The following TNFRSF13C variants were observed in gnomAD, a reference collection of about 807,000 sequenced individuals.
TNFRSF13C encodes tumor necrosis factor receptor superfamily member 13C.
Under a neutral mutation model 12.1 loss-of-function variants are expected in TNFRSF13C, and 7 were observed. The observed-to-expected ratio is 0.58, with a 90% confidence interval of 0.33 to 1.08. The LOEUF is 1.08. TNFRSF13C is among the 50% of genes least tolerant of loss of function. The pLI, the probability that TNFRSF13C is intolerant of heterozygous loss-of-function variation, is 0.04. For missense variants in TNFRSF13C, 260 were observed against 265.9 expected (o/e 0.98, Z 0.15); for synonymous variants, 157 against 130.8 (o/e 1.20, Z -1.37).
Position 41,925,398 on chromosome 22 carries a change from G to C in TNFRSF13C, c.524C>G (p.Thr175Ser). The C allele has an allele frequency of 6.2e-7, 1 of 1,608,636 alleles. No individual in the cohort carries two copies. Among genetic ancestry groups the C allele is most frequent in the South Asian group, 1.1e-5 (1 of 91,048 alleles). The change falls in exon 3 of 3, where the codon ACC becomes AGC. Residue 175 changes from threonine to serine, a missense_variant. Thr to Ser is a moderately conservative substitution (Grantham distance 58, BLOSUM62 1). Coordinates refer to ENST00000291232, the MANE Select transcript of TNFRSF13C (RefSeq NM_052945.4). ...TTGCTCAGGGCCGGCCGTCTTGGTG[G>C]TCACCAGTTCAGTGGAGCCCAGCTC... ...ATELGSTELV[T>S]TKTAGPEQQ
In TNFRSF13C at chr22:41,925,551, G is replaced by A. The variant is rs1216121786; in HGVS notation, c.371C>T (p.Pro124Leu). The A allele has an allele frequency of 6.2e-7, 1 of 1,612,428 alleles. No individual in the cohort carries two copies. The highest frequency in any genetic ancestry group is 1.3e-5 in the African/African-American group (1 of 74,898). The change falls in exon 3 of 3, where the codon CCA becomes CTA. Residue 124 changes from proline to leucine, a missense_variant. Coordinates refer to ENST00000291232, the MANE Select transcript of TNFRSF13C (RefSeq NM_052945.4). Reference sequence around the variant, plus strand: ...AATGATGACCTTGTCCAGGGGCTCTGGGGCTGCAGGCAGAGGGGGTAGAGG... The same window carrying A: ...AATGATGACCTTGTCCAGGGGCTCTAGGGCTGCAGGCAGAGGGGGTAGAGG... ...AEAPDGDKDA[P>L]EPLDKVIILS...
rs908592394 is a variant in TNFRSF13C at position 41,926,499 on chromosome 22, G to C, written c.136+139C>G. ...GCGGTGAGGGCCACGCGGTGATCGCGGGCCCCTCCAGGCCCTGCCCACAGG... is the reference window on the plus strand; with the variant it reads ...GCGGTGAGGGCCACGCGGTGATCGCCGGCCCCTCCAGGCCCTGCCCACAGG... On this transcript the variant is annotated intron_variant, in intron 1 of 2. Transcript: ENST00000291232. The surrounding 1 kb of genome is among the most constrained non-coding windows in gnomAD (Gnocchi z 4.9). The C allele has an allele frequency of 6.8e-6, 8 of 1,177,680 alleles. No homozygotes were observed. Among genetic ancestry groups the C allele is most frequent in the Non-Finnish European group, 8.8e-6 (8 of 908,906 alleles). The allele number at this position is 1,177,680 out of a possible 1,614,324, so 73.0% of individuals were successfully genotyped here.
At position 41,926,716 on chromosome 22, in the gene TNFRSF13C, C is replaced by T; in HGVS notation, c.58G>A (p.Val20Ile). 1 of 1,448,202 alleles carries T rather than the reference C, an allele frequency of 6.9e-7. No homozygotes were observed. The highest frequency in any genetic ancestry group is 9.1e-7 in the Non-Finnish European group (1 of 1,104,812). 89.7% of individuals were successfully genotyped at this position (1,448,202 alleles called of 1,614,324 possible). A position where few individuals can be genotyped will look rare whatever the true frequency, so the allele number is the denominator to read the frequency against. ...AGCAGGTCGAAGCACTCGGCCGGGACGCAGGGCGTGGGGGCTGGCGCGTCC... is the reference window on the plus strand; with the variant it reads ...AGCAGGTCGAAGCACTCGGCCGGGATGCAGGGCGTGGGGGCTGGCGCGTCC... Reference protein sequence around the residue: ...GRDAPAPTPCVPAECFDLLVR... With the variant: ...GRDAPAPTPCIPAECFDLLVR... The change falls in exon 1 of 3, where the codon GTC (valine) becomes ATC (isoleucine). Residue 20 changes from valine to isoleucine, a missense_variant. Val to Ile is a conservative substitution (Grantham distance 29). Coordinates refer to ENST00000291232, the MANE Select transcript of TNFRSF13C (RefSeq NM_052945.4). This position sits in a 1 kb window ranked among gnomAD's most constrained non-coding sequence, Gnocchi z 4.9.
Position 41,926,518 on chromosome 22 carries a change from C to A in TNFRSF13C, c.136+120G>T. On this transcript the variant is annotated intron_variant, in intron 1 of 2. Transcript: ENST00000291232. This position sits in a 1 kb window ranked among gnomAD's most constrained non-coding sequence, Gnocchi z 4.9. ...GATCGCGGGCCCCTCCAGGCCCTGCCCACAGGGTCCTTTCAGCCCTCGGCG... is the reference window on the plus strand; with the variant it reads ...GATCGCGGGCCCCTCCAGGCCCTGCACACAGGGTCCTTTCAGCCCTCGGCG... 1 of 1,254,416 alleles carries A rather than the reference C, an allele frequency of 8.0e-7. No individual in the cohort carries two copies. Among genetic ancestry groups the A allele is most frequent in the Non-Finnish European group, 1.0e-6 (1 of 979,728 alleles). 77.7% of individuals were successfully genotyped at this position (1,254,416 alleles called of 1,614,324 possible).
In TNFRSF13C at chr22:41,926,742, C is replaced by G; in HGVS notation, c.32G>C (p.Arg11Thr). The G allele has an allele frequency of 1.4e-6, 2 of 1,392,318 alleles. No individual in the cohort carries two copies. The highest frequency in any genetic ancestry group is 1.9e-6 in the Non-Finnish European group (2 of 1,076,294). 86.2% of individuals were successfully genotyped at this position (1,392,318 alleles called of 1,614,324 possible). The change falls in exon 1 of 3, where the codon AGG (arginine) becomes ACG (threonine). Residue 11 changes from arginine to threonine, a missense_variant. By Grantham distance (71) the Arg-to-Thr change is moderately conservative. Coordinates refer to ENST00000291232, the MANE Select transcript of TNFRSF13C (RefSeq NM_052945.4). The surrounding 1 kb of genome is among the most constrained non-coding windows in gnomAD (Gnocchi z 4.9). ...GCAGGGCGTGGGGGCTGGCGCGTCC[C>G]TGCCCCGCAGGCTCCGGGGCCCTCG... Reference protein sequence around the residue: MRRGPRSLRGRDAPAPTPCVP... With the variant: MRRGPRSLRGTDAPAPTPCVP...
In TNFRSF13C at chr22:41,926,571, C is replaced by A. The variant is rs1021132726; in HGVS notation, c.136+67G>T. 3.9e-5 allele frequency: 53 copies of A among 1,353,240 alleles called. No individual in the cohort carries two copies. The highest frequency in any genetic ancestry group is 4.9e-5 in the Non-Finnish European group (52 of 1,058,410). The allele number at this position is 1,353,240 out of a possible 1,614,324, so 83.8% of individuals were successfully genotyped here. Reference sequence around the variant, plus strand: ...CCCGGGGGTCGGGGCTCTGCCTGCGCCCTGGCGATCGGGGCCCCGTTCTCC... The same window carrying A: ...CCCGGGGGTCGGGGCTCTGCCTGCGACCTGGCGATCGGGGCCCCGTTCTCC... On this transcript the variant is annotated intron_variant, in intron 1 of 2. Transcript: ENST00000291232. This position sits in a 1 kb window ranked among gnomAD's most constrained non-coding sequence, Gnocchi z 4.9.
rs571965929 is a variant in TNFRSF13C, at chr22:41,924,482, T to A, written c.*885A>T. ...CAGCCTAGGCGACAGAGCGAGACTC[T>A]GTCTCAAAAAAAAAAAAAAAAAAAA... On this transcript the variant is annotated 3_prime_UTR_variant, in exon 3 of 3. Transcript: ENST00000291232. 7 of 109,664 alleles carry A rather than the reference T, an allele frequency of 6.4e-5. No individual in the cohort carries two copies. The East Asian group carries it at 1.6e-3, about 24-fold the overall frequency. The allele number at this position is 109,664 out of a possible 1,614,324, so 6.8% of individuals were successfully genotyped here.
chr22:41,924,128 G>A lies in TNFRSF13C; in HGVS notation c.*1239C>T, dbSNP rs1304256442. 2 of 151,986 alleles carry A rather than the reference G, an allele frequency of 1.3e-5. No homozygotes were observed. Among genetic ancestry groups the A allele is most frequent in the East Asian group, 3.9e-4 (2 of 5,180 alleles). 9.4% of individuals were successfully genotyped at this position (151,986 alleles called of 1,614,324 possible). On this transcript the variant is annotated 3_prime_UTR_variant, in exon 3 of 3. Coordinates refer to ENST00000291232, the MANE Select transcript of TNFRSF13C (RefSeq NM_052945.4). The stretch of plus-strand genomic sequence containing the variant: ...TCCTGCCTATAATCCCAGCCCTTCG[G>A]GGAGGACTGCCTGAGGCCAGGAGTT...
At position 41,925,358 on chromosome 22, in the gene TNFRSF13C, G is replaced by A. The variant is rs777377349; in HGVS notation, c.*9C>T. 1.4e-5 allele frequency: 22 copies of A among 1,595,736 alleles called. No individual in the cohort carries two copies. The highest frequency in any genetic ancestry group is 8.0e-5 in the African/African-American group (6 of 74,620). On this transcript the variant is annotated 3_prime_UTR_variant, in exon 3 of 3. Coordinates refer to ENST00000291232, the MANE Select transcript of TNFRSF13C (RefSeq NM_052945.4). ...GGGAGGGCAGGGGCCACCTCCTGCC[G>A]GCTCCCTGCTATTGTTGCTCAGGGC...
At position 41,926,763 on chromosome 22, in the gene TNFRSF13C, C is replaced by G; in HGVS notation, c.11G>C (p.Gly4Ala). 7.4e-7 allele frequency: 1 copy of G among 1,355,188 alleles called. No individual in the cohort carries two copies. Among genetic ancestry groups the G allele is most frequent in the Admixed American group, 3.7e-5 (1 of 27,078 alleles). 83.9% of individuals were successfully genotyped at this position (1,355,188 alleles called of 1,614,324 possible). MRR[G>A]PRSLRGRDAP... is the part of the protein sequence containing the mutation. ...GTCCCTGCCCCGCAGGCTCCGGGGC[C>G]CTCGCCTCATGGTGCCGACGCCGCC... The change falls in exon 1 of 3, where the codon GGG (glycine) becomes GCG (alanine). Residue 4 changes from glycine (G) to alanine (A), a missense_variant. By Grantham distance (60) the Gly-to-Ala change is moderately conservative (BLOSUM62 0). Coordinates refer to ENST00000291232, the MANE Select transcript of TNFRSF13C (RefSeq NM_052945.4). The surrounding 1 kb of genome is among the most constrained non-coding windows in gnomAD (Gnocchi z 4.9).
At position 41,926,448 on chromosome 22, in the gene TNFRSF13C, G is replaced by C. The variant is rs973709365; in HGVS notation, c.137-117C>G. On this transcript the variant is annotated intron_variant, in intron 1 of 2. Transcript: ENST00000291232. This position sits in a 1 kb window ranked among gnomAD's most constrained non-coding sequence, Gnocchi z 4.9. ...GGGAGGGGAGGGACAGCCGGGGGGC[G>C]GTGGACAAGGGGAGGGAGAGAGGCG... 1.1e-4 allele frequency: 115 copies of C among 1,062,666 alleles called. No homozygotes were observed. Among genetic ancestry groups the C allele is most frequent in the Non-Finnish European group, 1.3e-4 (102 of 803,838 alleles). The allele number at this position is 1,062,666 out of a possible 1,614,324, so 65.8% of individuals were successfully genotyped here.
intron 2 of TNFRSF13C, 132 bp from the exon 3 acceptor site, chr22:41,925,686 G>C: frequency 8.8e-7 from 1 of 1,136,988 alleles, no homozygotes; most frequent in Non-Finnish European, 1.3e-6. Context: ...GCACCTGGCT[G>C]ACCCTGAGTC....
At position 41,924,115 on chromosome 22, in the gene TNFRSF13C, T is replaced by A. The variant is rs2077617375; in HGVS notation, c.*1252A>T. 6.6e-6 allele frequency: 1 copy of A among 150,792 alleles called. No homozygotes were observed. The highest frequency in any genetic ancestry group is 1.5e-5 in the Non-Finnish European group (1 of 67,866). The allele number at this position is 150,792 out of a possible 1,614,324, so 9.3% of individuals were successfully genotyped here. A position where few individuals can be genotyped will look rare whatever the true frequency, so the allele number is the denominator to read the frequency against. ...CAGGCCCGGCGCCTCCTGCCTATAATCCCAGCCCTTCGGGGAGGACTGCCT... is the reference window on the plus strand; with the variant it reads ...CAGGCCCGGCGCCTCCTGCCTATAAACCCAGCCCTTCGGGGAGGACTGCCT... On this transcript the variant is annotated 3_prime_UTR_variant, in exon 3 of 3. Coordinates refer to ENST00000291232, the MANE Select transcript of TNFRSF13C (RefSeq NM_052945.4).
At position 41,926,627 on chromosome 22, in the gene TNFRSF13C, G is replaced by A. The variant is rs2077634018; in HGVS notation, c.136+11C>T. The A allele has an allele frequency of 2.8e-6, 4 of 1,436,036 alleles. No homozygotes were observed. Among genetic ancestry groups the A allele is most frequent in the South Asian group, 1.4e-5 (1 of 72,936 alleles). 89.0% of individuals were successfully genotyped at this position (1,436,036 alleles called of 1,614,324 possible). On this transcript the variant is annotated intron_variant, in intron 1 of 2. Coordinates refer to ENST00000291232, the MANE Select transcript of TNFRSF13C (RefSeq NM_052945.4). The surrounding 1 kb of genome is among the most constrained non-coding windows in gnomAD (Gnocchi z 4.9). ...GCTGCCGGCGCCGCGCGCCCCGTGG[G>A]TCCCCCTTACCCGGTTTCGGCCGCG...
chr22:41,925,997 A>G, intron 2 of TNFRSF13C, 104 bp downstream of exon 2: 1 of 1,464,122 alleles, frequency 6.8e-7, no homozygotes. Flanking sequence ...TTCCCCTTAA[A>G]GCCCTTCTCT....
rs2077627345 is a variant in TNFRSF13C at position 41,926,015 on chromosome 22, A to G, written c.367+86T>C. The G allele has an allele frequency of 6.5e-7, 1 of 1,547,464 alleles. No homozygotes were observed. The highest frequency in any genetic ancestry group is 2.3e-5 in the East Asian group (1 of 44,254). ...CCCTTAAAGCCCTTCTCTCCCCCTC[A>G]GGGGCCATGCATCTCCCCCTAGACC... On this transcript the variant is annotated intron_variant, in intron 2 of 2. Coordinates refer to ENST00000291232, the MANE Select transcript of TNFRSF13C (RefSeq NM_052945.4). The surrounding 1 kb of genome is among the most constrained non-coding windows in gnomAD (Gnocchi z 4.9).
Position 41,925,253 on chromosome 22 carries a change from C to A in TNFRSF13C, c.*114G>T. 1 of 1,163,188 alleles carries A rather than the reference C, an allele frequency of 8.6e-7. No homozygotes were observed. The highest frequency in any genetic ancestry group is 1.2e-6 in the Non-Finnish European group (1 of 840,626). The allele number at this position is 1,163,188 out of a possible 1,614,324, so 72.1% of individuals were successfully genotyped here. A position where few individuals can be genotyped will look rare whatever the true frequency, so the allele number is the denominator to read the frequency against. On this transcript the variant is annotated 3_prime_UTR_variant, in exon 3 of 3. Coordinates refer to ENST00000291232, the MANE Select transcript of TNFRSF13C (RefSeq NM_052945.4). ...AGTGTCTGTGCTTCTGCAGAGTTAGCCTGGTCCCAGAAAGAGGGCATGTGC... is the reference window on the plus strand; with the variant it reads ...AGTGTCTGTGCTTCTGCAGAGTTAGACTGGTCCCAGAAAGAGGGCATGTGC...
rs751314971 is a variant in TNFRSF13C at position 41,926,178 on chromosome 22, C to A, written c.290G>T (p.Gly97Val). The change falls in exon 2 of 3, where the codon GGT (glycine) becomes GTT (valine). Residue 97 changes from glycine (G) to valine (V), a missense_variant. Coordinates refer to ENST00000291232, the MANE Select transcript of TNFRSF13C (RefSeq NM_052945.4). The surrounding 1 kb of genome is among the most constrained non-coding windows in gnomAD (Gnocchi z 4.9). ...LALVLALVLV[G>V]LVSWRRRQRR... ...CTGTCGCCGCCTCCAGCTCACCAGACCCACCAGGACCAGCGCCAGGACCAG... is the reference window on the plus strand; with the variant it reads ...CTGTCGCCGCCTCCAGCTCACCAGAACCACCAGGACCAGCGCCAGGACCAG... 6.2e-7 allele frequency: 1 copy of A among 1,610,580 alleles called. No homozygotes were observed. Among genetic ancestry groups the A allele is most frequent in the Non-Finnish European group, 8.5e-7 (1 of 1,179,576 alleles).
Position 41,924,048 on chromosome 22 carries a change from A to G in TNFRSF13C, c.*1319T>C, listed in dbSNP as rs951935018. The G allele has an allele frequency of 2.0e-5, 3 of 152,170 alleles. No individual in the cohort carries two copies. The highest frequency in any genetic ancestry group is 7.2e-5 in the African/African-American group (3 of 41,440). 9.4% of individuals were successfully genotyped at this position (152,170 alleles called of 1,614,324 possible). Reference sequence around the variant, plus strand: ...ACTGCTGCCATTTGCATCAGTTTAAAAGCAGGACGGCTCTGAGGGCAGGTA... The same window carrying G: ...ACTGCTGCCATTTGCATCAGTTTAAGAGCAGGACGGCTCTGAGGGCAGGTA... On this transcript the variant is annotated 3_prime_UTR_variant, in exon 3 of 3. Transcript: ENST00000291232.
Sources: allele counts gnomAD v4.1 joint callset, GRCh38; gene constraint gnomAD v4.1.1; non-coding constraint Gnocchi (gnomAD v3.1); transcripts MANE v1.5; gene names NCBI Gene and HGNC (gene_info 2026-07-23, HGNC 2026-07-21).